The following SI variants were observed in gnomAD, a reference collection of about 807,000 sequenced individuals.
SI encodes the protein sucrase-isomaltase, also known as sucrase-isomaltase, intestinal.
A neutral mutation model predicts 253.3 loss-of-function variants in SI; 235 were observed. The observed-to-expected ratio is 0.93, with a 90% CI of 0.83 to 1.03. The LOEUF is 1.03. Among genes scored for constraint, SI ranks in the 50% least tolerant of loss-of-function variants. The pLI, the probability that SI is intolerant of heterozygous loss-of-function variation, is 0.00. For synonymous variants in SI, 819 were observed against 712.0 expected, an observed-to-expected ratio of 1.15 and a Z score of -2.39; for missense variants, 2,442 against 2,211.1, an observed-to-expected ratio of 1.10 and a Z score of -2.09.
chr3:165,013,413 TA>T (rs1447244976), intron 33 of SI, among the ~76,000 whole-genome samples: 6 of 152,128 alleles, frequency 3.9e-5, no homozygotes, highest in Admixed American at 6.6e-5. Context: ...GGTTAAAAAC[TA>T]AAAACAATAA....
chr3:165,079,143 A>T (rs1422398228), upstream of SI, among the ~76,000 whole-genome samples: 2 of 151,650 alleles, frequency 1.3e-5, no homozygotes, highest in Non-Finnish European at 3.0e-5. Flanking sequence ...GTATAAAATT[A>T]ATTACACTAC....
intron 12 of SI, among the ~76,000 whole-genome samples, chr3:165,056,489 A>G (rs1182882546): frequency 6.6e-6 from 1 of 152,120 alleles, no homozygotes; most frequent in Non-Finnish European, 1.5e-5. Flanking sequence ...GCATCATATC[A>G]AGTGAAGAGT....
In SI at chr3:164,979,066, A is replaced by G. The variant is rs189605616; in HGVS notation, c.*296T>C. On this transcript the variant is annotated 3_prime_UTR_variant, in exon 48 of 48. Coordinates refer to ENST00000264382, the MANE Select transcript of SI (RefSeq NM_001041.4). ...TTAATTTAAAAATCACGTTTAAATT[A>G]TATCTTAGCTATTTACATACATGTT... 33 of 221,314 alleles carry G rather than the reference A, an allele frequency of 1.5e-4. No homozygotes were observed. Among genetic ancestry groups the G allele is most frequent in the African/African-American group, 6.4e-4 (28 of 44,036 alleles). 13.7% of individuals were successfully genotyped at this position (221,314 alleles called of 1,614,324 possible).
intron 38 of SI, among the ~76,000 whole-genome samples, chr3:164,997,651 C>T (rs1418694118): frequency 6.6e-6 from 1 of 151,618 alleles, no homozygotes; most frequent in African/African-American, 2.4e-5. Flanking sequence ...CACGCCACAA[C>T]TTCATATAGG....
chr3:165,038,021 C>T lies in SI; in HGVS notation c.2305G>A (p.Ala769Thr), dbSNP rs1305242361. ...DAIWYDYESGAKRPWRKQRVD... is the reference protein window; with the variant it reads ...DAIWYDYESGTKRPWRKQRVD... Reference sequence around the variant, plus strand: ...CGTTGTTTCCTCCATGGCCTTTTTGCACCCTAATAATTGGAAGATTAAAAA... The same window carrying T: ...CGTTGTTTCCTCCATGGCCTTTTTGTACCCTAATAATTGGAAGATTAAAAA... The change falls in exon 21 of 48, where the codon GCA becomes ACA. Residue 769 changes from alanine (A) to threonine (T), a missense_variant. By Grantham distance (58) the Ala-to-Thr change is moderately conservative. Coordinates refer to ENST00000264382, the MANE Select transcript of SI (RefSeq NM_001041.4). 23 of 1,582,892 alleles carry T rather than the reference C, an allele frequency of 1.5e-5. No individual in the cohort carries two copies. Among genetic ancestry groups the T allele is most frequent in the Non-Finnish European group, 1.9e-5 (22 of 1,152,450 alleles).
intron 13 of SI, among the ~76,000 whole-genome samples, chr3:165,051,630 A>T (rs1283768771): frequency 6.6e-6 from 1 of 152,092 alleles, no homozygotes; most frequent in African/African-American, 2.4e-5. Context: ...GAGCTGCATT[A>T]TTTTAAATTT....
intron 45 of SI, among the ~76,000 whole-genome samples, chr3:164,983,734 C>T (rs1000344383): frequency 6.6e-6 from 1 of 151,934 alleles, no homozygotes; most frequent in African/African-American, 2.4e-5. Context: ...GAACTACAGG[C>T]ATGCACTACC....
intron 16 of SI, 43 bp downstream of exon 16, chr3:165,046,798 T>C: frequency 7.0e-7 from 1 of 1,434,440 alleles, no homozygotes; most frequent in Non-Finnish European, 9.8e-7. Flanking sequence ...AAAATTAATG[T>C]AATTGTAGCT....
intron 7 of SI, among the ~76,000 whole-genome samples, chr3:165,064,444 C>G (rs1310401087): frequency 6.6e-6 from 1 of 151,968 alleles, no homozygotes; most frequent in Non-Finnish European, 1.5e-5. Context: ...CCAAATGAAA[C>G]TCTTTAAAAC....
Position 165,006,907 on chromosome 3 carries a change from C to T in SI, c.4315G>A (p.Glu1439Lys), listed in dbSNP as rs1326515800. 3 of 1,612,052 alleles carry T rather than the reference C, an allele frequency of 1.9e-6. No homozygotes were observed. Among genetic ancestry groups the T allele is most frequent in the African/African-American group, 1.3e-5 (1 of 74,964 alleles). Residue 1439 changes from glutamate (E) to lysine (K), a missense_variant, in exon 37 of 48, where the codon GAA becomes AAA. Transcript: ENST00000264382. ...DGLHFRTICM[E>K]AEQILSDGTS... ...CCATCACTAAGAATCTGCTCAGCTT[C>T]CATGCAAATTGTTCTGAAATGTAAT...
intron 8 of SI, 130 bp from the exon 9 acceptor site, chr3:165,062,613 A>G (rs1468745363): frequency 1.7e-6 from 1 of 604,488 alleles, no homozygotes; most frequent in African/African-American, 1.9e-5. Flanking sequence ...TTAAGAAATA[A>G]TGAAATATTG....
intron 31 of SI, among the ~76,000 whole-genome samples, chr3:165,016,442 T>G (rs1157569149): frequency 6.6e-6 from 1 of 151,986 alleles, no homozygotes; most frequent in African/African-American, 2.4e-5. Context: ...AAATAGGACT[T>G]TTGTACAGTA....
At chr3:165,029,425 A>C (rs112546807) in intron 25 of SI, among the ~76,000 whole-genome samples, 5 of 150,494 alleles carry the variant, frequency 3.3e-5, no homozygotes, top group Admixed American at 2.7e-4. Context: ...CAATCCTGCT[A>C]CTGGGTATCT....
At chr3:165,000,613 A>G (rs1718212545) in intron 37 of SI, among the ~76,000 whole-genome samples, 1 of 151,436 alleles carries the variant, frequency 6.6e-6, no homozygotes, top group South Asian at 2.1e-4. Flanking sequence ...TTTTCATAAT[A>G]ATTTTCTCTT....
chr3:165,059,362 C>A, intron 10 of SI, 63 bp from the exon 11 acceptor site: 2 of 1,478,226 alleles, frequency 1.4e-6, no homozygotes, highest in Non-Finnish European at 1.9e-6. Context: ...TCAAGTCAAT[C>A]TTTAACTCCA....
In SI at chr3:165,009,171, A is replaced by C. The variant is rs74407025; in HGVS notation, c.4179+108T>G. 12 of 776,948 alleles carry C rather than the reference A, an allele frequency of 1.5e-5. No homozygotes were observed. The South Asian group carries it at 1.7e-4, about 11-fold the overall frequency. 48.1% of individuals were successfully genotyped at this position (776,948 alleles called of 1,614,324 possible). A position where few individuals can be genotyped will look rare whatever the true frequency, so the allele number is the denominator to read the frequency against. On this transcript the variant is annotated intron_variant, in intron 35 of 47. Transcript: ENST00000264382. ...GTTCTGTGGGGGAAAAAAGTGGACT[A>C]GTTTTCAAATAAAATATTTTGTTGA...
Position 164,998,532 on chromosome 3 carries a change from T to C in SI, c.4540+8A>G, listed in dbSNP as rs1284497885. On this transcript the variant is annotated splice_region_variant and intron_variant, in intron 38 of 47. Coordinates refer to ENST00000264382, the MANE Select transcript of SI (RefSeq NM_001041.4). ...AAAATAATAATAAAGATGGTGACTT[T>C]CACTTACCAATGATTGATTTGTCCA... is the stretch of plus-strand genomic sequence containing the variant. 2 of 1,611,556 alleles carry C rather than the reference T, an allele frequency of 1.2e-6. No individual in the cohort carries two copies. Among genetic ancestry groups the C allele is most frequent in the South Asian group, 2.2e-5 (2 of 91,036 alleles).
At position 165,034,135 on chromosome 3, in the gene SI, C is replaced by T. The variant is rs191086490; in HGVS notation, c.2516-691G>A. 8.0e-3 allele frequency among the ~76,000 whole-genome samples: 1,211 copies of T among 151,802 alleles called. 6 individuals are homozygous for T. The highest frequency in any genetic ancestry group is 0.013 in the Non-Finnish European group (895 of 67,824). ...ACATTAATTTGCTTAAAATTTTAGT[C>T]CTAGGAAATAATATTATATTCAGAA... On this transcript the variant is annotated intron_variant, in intron 22 of 47. Coordinates refer to ENST00000264382, the MANE Select transcript of SI (RefSeq NM_001041.4).
chr3:165,016,963 A>G (rs1290442319), intron 31 of SI, among the ~76,000 whole-genome samples: 2 of 152,004 alleles, frequency 1.3e-5, no homozygotes, highest in East Asian at 3.9e-4. Flanking sequence ...AAACTCTTAT[A>G]TATCAAGCCT....
Sources: gnomAD v4.1 joint callset for allele counts (sites outside exome capture counted in the v4.1 genomes callset) on GRCh38, gnomAD v4.1.1 for gene constraint, MANE v1.5 for transcripts, NCBI Gene and HGNC (gene_info 2026-07-23, HGNC 2026-07-21) for gene names.